Variants in AGMO observed in about 807,000 individuals in gnomAD.
AGMO encodes glyceryl-ether monooxygenase.
In AGMO, 75 loss-of-function variants were observed where a neutral mutation model predicts 60.2. The ratio of observed to expected loss-of-function variants is 1.25; its 90% confidence interval spans 1.03 to 1.51. AGMO has a LOEUF of 1.51. AGMO is among the 40% of genes most tolerant of loss of function. The pLI, the probability that AGMO is intolerant of heterozygous loss-of-function variation, is 0.00. For missense variants in AGMO, 763 were observed against 525.5 expected (o/e 1.45, Z -4.42); for synonymous variants, 261 against 177.1 (o/e 1.47, Z -3.76).
intron 3 of AGMO, among the ~76,000 whole-genome samples, chr7:15,533,087 A>G (rs531124063): frequency 1.3e-5 from 2 of 152,290 alleles, no homozygotes; most frequent in East Asian, 1.9e-4. Flanking sequence ...TACCTCTCAG[A>G]GTAGTATCCT....
At chr7:15,417,881 G>T (rs996815579) in intron 5 of AGMO, among the ~76,000 whole-genome samples, 3 of 152,136 alleles carry the variant, frequency 2.0e-5, no homozygotes, top group African/African-American at 7.2e-5. Flanking sequence ...AAGAGTGCTT[G>T]TGTGTATAGG....
intron 12 of AGMO, among the ~76,000 whole-genome samples, chr7:15,331,752 C>A (rs1442935204): frequency 6.6e-6 from 1 of 151,994 alleles, no homozygotes; most frequent in Non-Finnish European, 1.5e-5. Context: ...TGTGGAGAAA[C>A]CCCATCTCTA....
intron 12 of AGMO, among the ~76,000 whole-genome samples, chr7:15,220,643 T>C (rs895656122): frequency 1.3e-5 from 2 of 151,842 alleles, no homozygotes; most frequent in Non-Finnish European, 2.9e-5. Flanking sequence ...ATAATATAAA[T>C]CCAGTAATAT....
chr7:15,169,208 C>G, the AGMO span, among the ~76,000 whole-genome samples: 1 of 152,120 alleles, frequency 6.6e-6, no homozygotes, highest in African/African-American at 2.4e-5. Context: ...AAGGGCTGAC[C>G]AGAACATACT....
rs566699533 is a variant in AGMO at position 15,377,404 on chromosome 7, A to G, written c.1074+8042T>C. On this transcript the variant is annotated intron_variant, in intron 10 of 12. Transcript: ENST00000342526. ...CATATATTTTTTCATGACAGTAGAG[A>G]AATCTTGAGAAAACCATGCTGTAAG... Among the ~76,000 whole-genome samples, 94 of 152,094 alleles carry G rather than the reference A, an allele frequency of 6.2e-4. 3 individuals are homozygous for G. The highest frequency in any genetic ancestry group is 2.2e-3 in the African/African-American group (92 of 41,494).
chr7:15,272,956 A>G (rs191772874), intron 12 of AGMO, among the ~76,000 whole-genome samples: 1 of 152,176 alleles, frequency 6.6e-6, no homozygotes, highest in Non-Finnish European at 1.5e-5. Flanking sequence ...GTCTGTTCAT[A>G]TCCTTTGCCC....
At chr7:15,190,183 T>A in the AGMO span, among the ~76,000 whole-genome samples, 4 of 1,596 alleles carry the variant, frequency 2.5e-3, no homozygotes, top group Non-Finnish European at 4.1e-3. Context: ...ATATATATAT[T>A]TATATATATA....
intron 12 of AGMO, among the ~76,000 whole-genome samples, chr7:15,203,209 C>G (rs1286825863): frequency 1.3e-5 from 2 of 152,100 alleles, no homozygotes; most frequent in Non-Finnish European, 2.9e-5. Context: ...TTTCCATTCT[C>G]AATTCCCCTA....
At chr7:15,232,856 T>G (rs900996295) in intron 12 of AGMO, among the ~76,000 whole-genome samples, 1 of 150,592 alleles carries the variant, frequency 6.6e-6, no homozygotes, top group Non-Finnish European at 1.5e-5. Context: ...CCATCTGGTT[T>G]AAGCTATCAC....
intron 12 of AGMO, among the ~76,000 whole-genome samples, chr7:15,310,421 T>TATG: frequency 6.6e-6 from 1 of 152,146 alleles, no homozygotes; most frequent in Non-Finnish European, 1.5e-5. Flanking sequence ...ATTTGGAAAA[T>TATG]TTTGTCTTTT....
At chr7:15,151,917 T>C in the AGMO span, among the ~76,000 whole-genome samples, 4 of 152,204 alleles carry the variant, frequency 2.6e-5, no homozygotes, top group Non-Finnish European at 5.9e-5. Context: ...AGGTCTGTGA[T>C]TCTTTCTTCA....
chr7:15,538,244 A>G (rs1163941637), intron 3 of AGMO, among the ~76,000 whole-genome samples: 1 of 152,180 alleles, frequency 6.6e-6, no homozygotes, highest in African/African-American at 2.4e-5. Context: ...TATTATTATT[A>G]TTATTACAGA....
At chr7:15,489,044 T>C (rs1324163984) in intron 3 of AGMO, among the ~76,000 whole-genome samples, 2 of 152,170 alleles carry the variant, frequency 1.3e-5, no homozygotes, top group African/African-American at 4.8e-5. Flanking sequence ...ACAAGGATTC[T>C]TACAAATCAT....
At chr7:15,553,966 G>A (rs1785054479) in intron 2 of AGMO, among the ~76,000 whole-genome samples, 1 of 152,046 alleles carries the variant, frequency 6.6e-6, no homozygotes, top group Non-Finnish European at 1.5e-5. Flanking sequence ...AGAAGCTGTG[G>A]GAGTTATATT....
chr7:15,351,904 ATATT>A (rs1377754721), intron 12 of AGMO, among the ~76,000 whole-genome samples: 7 of 152,218 alleles, frequency 4.6e-5, no homozygotes, highest in Non-Finnish European at 1.0e-4. Flanking sequence ...ATCATGTGGA[ATATT>A]TATTGTTACA....
At chr7:15,395,879 G>T (rs1393716401) in intron 5 of AGMO, among the ~76,000 whole-genome samples, 1 of 152,052 alleles carries the variant, frequency 6.6e-6, no homozygotes, top group African/African-American at 2.4e-5. Context: ...ATTTACAGTT[G>T]CTCAATACAT....
intron 12 of AGMO, among the ~76,000 whole-genome samples, chr7:15,282,484 G>A (rs2128519175): frequency 6.6e-6 from 1 of 152,122 alleles, no homozygotes. Context: ...GAATTTCAGG[G>A]CTTGAAACAA....
chr7:15,423,948 C>G (rs1306745142), intron 4 of AGMO, among the ~76,000 whole-genome samples: 3 of 152,084 alleles, frequency 2.0e-5, no homozygotes, highest in Admixed American at 1.3e-4. Flanking sequence ...GTTACAGCAG[C>G]CTCAGGAAAT....
chr7:15,247,457 CACAG>C lies in AGMO; in HGVS notation c.1264-46102_1264-46099del, dbSNP rs1465157246. Among the ~76,000 whole-genome samples the C allele has an allele frequency of 4.8e-3, 572 of 119,422 alleles. 3 individuals are homozygous for C. The highest frequency in any genetic ancestry group is 0.019 in the African/African-American group (538 of 28,882). The allele number at this position is 119,422 out of a possible 152,430, so 78.3% of individuals were successfully genotyped here. On this transcript the variant is annotated intron_variant, in intron 12 of 12. Transcript: ENST00000342526. ...ACACACACACACACACACACACACA[CACAG>C]AGAGAGAGAGAGAGAGAGGGAGAGA...
Sources: gnomAD v4.1 joint callset for allele counts (sites outside exome capture counted in the v4.1 genomes callset) on GRCh38, gnomAD v4.1.1 for gene constraint, MANE v1.5 for transcripts, NCBI Gene and HGNC (gene_info 2026-07-23, HGNC 2026-07-21) for gene names.